Variants in CDH18 observed in about 807,000 individuals in gnomAD.
CDH18 encodes cadherin-18.
Under a neutral mutation model 67.9 loss-of-function variants are expected in CDH18, and 31 were observed. The observed-to-expected ratio is 0.46, with a 90% confidence interval of 0.34 to 0.62. The LOEUF (loss-of-function observed/expected upper bound fraction) is 0.62, where lower values mean the gene tolerates loss of function less well. CDH18 is among the 20% of genes least tolerant of loss of function. The probability of loss-of-function intolerance (pLI) is 0.01; values close to 1 mark genes in which losing one functional copy is unlikely to be tolerated. For synonymous variants in CDH18, 362 were observed against 347.2 expected (o/e 1.04, Z -0.48); for missense variants, 890 against 975.5 (o/e 0.91, Z 1.17).
intron 2 of CDH18, among the ~76,000 whole-genome samples, chr5:19,856,759 C>A (rs1339203258): frequency 6.6e-6 from 1 of 151,882 alleles, no homozygotes; most frequent in East Asian, 1.9e-4. Flanking sequence ...GAGAAAACTT[C>A]TTCGGGACCT....
chr5:20,182,755 G>A (rs1308427579), intron 2 of CDH18, among the ~76,000 whole-genome samples: 1 of 151,800 alleles, frequency 6.6e-6, no homozygotes, highest in Non-Finnish European at 1.5e-5. Flanking sequence ...TAGCAAGAAG[G>A]CCCTCATCAG....
At chr5:20,370,437 T>C (rs747940709) in intron 1 of CDH18, among the ~76,000 whole-genome samples, 6 of 152,136 alleles carry the variant, frequency 3.9e-5, no homozygotes, top group Admixed American at 3.9e-4. Context: ...GAAATGATAC[T>C]AGCTGGTAGC....
intron 2 of CDH18, among the ~76,000 whole-genome samples, chr5:19,980,805 A>T (rs1002016658): frequency 9.9e-5 from 15 of 152,180 alleles, no homozygotes; most frequent in Admixed American, 7.2e-4. Context: ...ACTGCATTTT[A>T]TCCCCACTTG....
At chr5:20,201,646 A>G (rs1561872805) in intron 2 of CDH18, among the ~76,000 whole-genome samples, 1 of 152,152 alleles carries the variant, frequency 6.6e-6, no homozygotes, top group Non-Finnish European at 1.5e-5. Context: ...GATAAAATAA[A>G]TATATAATAC....
intron 1 of CDH18, among the ~76,000 whole-genome samples, chr5:20,406,344 A>G (rs976352484): frequency 5.3e-5 from 8 of 151,940 alleles, no homozygotes; most frequent in Non-Finnish European, 8.8e-5. Flanking sequence ...CAAAAAACCA[A>G]ACACCGCATG....
chr5:19,471,299 C>T lies in CDH18; in HGVS notation c.*1927G>A, dbSNP rs916454039. 3.3e-5 allele frequency among the ~76,000 whole-genome samples: 5 copies of T among 152,008 alleles called. No homozygotes were observed. Among genetic ancestry groups the T allele is most frequent in the East Asian group, 1.9e-4 (1 of 5,194 alleles). ...AGCAGCATCTGGAAAACTAAAATGT[C>T]GTAAAAAGCTTAAATTACATTTTAT... On this transcript the variant is annotated 3_prime_UTR_variant, in exon 13 of 13. Coordinates refer to ENST00000382275, the MANE Select transcript of CDH18 (RefSeq NM_004934.5).
chr5:19,506,786 A>G (rs946132669), intron 10 of CDH18, among the ~76,000 whole-genome samples: 24 of 152,342 alleles, frequency 1.6e-4, no homozygotes, highest in African/African-American at 5.8e-4. Flanking sequence ...TGTTTGACCT[A>G]AAACCATAAA....
rs115079797 is a variant in CDH18 at position 20,544,869 on chromosome 5, A to G, written c.-580+30593T>C. ...CAAAGACTTAATTCATTCCAGCATT[A>G]ACTCAAAAGTTCAAGTCCAAAGTTT... On this transcript the variant is annotated intron_variant, in intron 1 of 14. Coordinates refer to the CDH18 transcript ENST00000507958. Among the ~76,000 whole-genome samples the G allele has an allele frequency of 6.3e-3, 966 of 152,308 alleles. 9 individuals carry two copies. The highest frequency in any genetic ancestry group is 0.022 in the African/African-American group (916 of 41,568).
At position 19,890,926 on chromosome 5, in the gene CDH18, T is replaced by A. The variant is rs148317407; in HGVS notation, c.-256-51684A>T. On this transcript the variant is annotated intron_variant, in intron 2 of 12. Coordinates refer to ENST00000382275, the MANE Select transcript of CDH18 (RefSeq NM_004934.5). ...AACCAATTTAAAACCAGTTTCTGAG[T>A]GAATGTGGAATCAGAAAAAGAAGAT... Among the ~76,000 whole-genome samples, 220 of 152,260 alleles carry A rather than the reference T, an allele frequency of 1.4e-3. 3 individuals carry two copies. The East Asian group carries it at 0.036, about 25-fold the overall frequency.
At chr5:20,079,007 G>C (rs551705112) in intron 2 of CDH18, among the ~76,000 whole-genome samples, 2 of 152,262 alleles carry the variant, frequency 1.3e-5, no homozygotes, top group Admixed American at 1.3e-4. Context: ...ATACATTGCA[G>C]AATGACCAAA....
chr5:19,808,009 T>C (rs1471805501), intron 3 of CDH18, among the ~76,000 whole-genome samples: 2 of 152,164 alleles, frequency 1.3e-5, no homozygotes, highest in Admixed American at 6.5e-5. Context: ...ATATATCCTA[T>C]ATAGTATTCA....
Position 19,804,951 on chromosome 5 carries a change from ATT to A in CDH18, c.228+33806_228+33807del, listed in dbSNP as rs35396228. On this transcript the variant is annotated intron_variant, in intron 3 of 12. Transcript: ENST00000382275. ...GAAAAAAATCATTATTATTATTATG[ATT>A]TTTTTTTTTTGGACAGGGTGTGGCT... is the stretch of plus-strand genomic sequence containing the variant. Among the ~76,000 whole-genome samples the A allele has an allele frequency of 2.2e-3, 319 of 147,934 alleles. 1 individual carries two copies. The highest frequency in any genetic ancestry group is 3.6e-3 in the African/African-American group (143 of 40,232).
intron 2 of CDH18, among the ~76,000 whole-genome samples, chr5:20,255,211 A>G (rs916168886): frequency 1.1e-4 from 17 of 152,076 alleles, no homozygotes; most frequent in African/African-American, 4.1e-4. Flanking sequence ...CCATATAACA[A>G]ACTTGCACAT....
intron 2 of CDH18, among the ~76,000 whole-genome samples, chr5:20,033,001 G>T (rs1739535030): frequency 6.6e-6 from 1 of 151,910 alleles, no homozygotes; most frequent in South Asian, 2.1e-4. Context: ...CCAATGTTGA[G>T]ATATTGTGGG....
At chr5:19,994,072 T>A (rs954427949) in intron 2 of CDH18, among the ~76,000 whole-genome samples, 10 of 152,108 alleles carry the variant, frequency 6.6e-5, no homozygotes, top group Non-Finnish European at 1.5e-4. Context: ...AGCTGTATTC[T>A]TTGTTCTGAA....
At chr5:19,940,820 CA>C (rs1579706235) in intron 2 of CDH18, among the ~76,000 whole-genome samples, 4 of 152,142 alleles carry the variant, frequency 2.6e-5, no homozygotes, top group East Asian at 3.9e-4. Flanking sequence ...ACAATAGCAA[CA>C]AAAAGTCTCC....
chr5:20,045,180 T>G (rs1740795192), intron 2 of CDH18, among the ~76,000 whole-genome samples: 1 of 152,178 alleles, frequency 6.6e-6, no homozygotes, highest in South Asian at 2.1e-4. Context: ...GATACAACTT[T>G]ATAAACATTT....
intron 2 of CDH18, among the ~76,000 whole-genome samples, chr5:20,090,346 C>A (rs988191337): frequency 6.6e-6 from 1 of 151,886 alleles, no homozygotes; most frequent in Non-Finnish European, 1.5e-5. Context: ...ACCAGCTTGA[C>A]CAATATAGAG....
chr5:20,416,375 T>C (rs1442651443), intron 1 of CDH18, among the ~76,000 whole-genome samples: 1 of 152,150 alleles, frequency 6.6e-6, no homozygotes, highest in Non-Finnish European at 1.5e-5. Flanking sequence ...TAAGTAATTA[T>C]ATTTTATTTT....
Sources: gnomAD v4.1 joint callset for allele counts (sites outside exome capture counted in the v4.1 genomes callset) on GRCh38, gnomAD v4.1.1 for gene constraint, MANE v1.5 for transcripts, NCBI Gene and HGNC (gene_info 2026-07-23, HGNC 2026-07-21) for gene names.